DMD: variants seen among roughly 807,000 people sequenced by gnomAD.
DMD encodes dystrophin.
DMD carries 63 observed loss-of-function variants against 330.1 expected under a neutral mutation model. The ratio of observed to expected loss-of-function variants is 0.19; its 90% confidence interval spans 0.16 to 0.24. The LOEUF (loss-of-function observed/expected upper bound fraction) is 0.24, where lower values mean the gene tolerates loss of function less well. DMD is among the 10% of genes least tolerant of loss of function. The pLI is 1.00. For missense variants in DMD, 3,344 were observed against 2,684.1 expected, an observed-to-expected ratio of 1.25 and a Z score of -5.43; for synonymous variants, 1,223 against 959.8, an observed-to-expected ratio of 1.27 and a Z score of -5.07.
intron 29 of DMD, 89 bp from the exon 30 acceptor site, chrX:32,412,002 G>A: frequency 1.7e-6 from 2 of 1,190,877 alleles, no homozygotes; most frequent in East Asian, 6.0e-5. Flanking sequence ...GAAGATTCTA[G>A]ACTCTTCCAC....
At chrX:33,013,796 G>A (rs1204387017) in intron 2 of DMD, among the ~76,000 whole-genome samples, 1 of 106,776 alleles carries the variant, frequency 9.4e-6, no homozygotes, top group Non-Finnish European at 1.9e-5. Context: ...TATAGAATAT[G>A]TTTACTGGGT....
At chrX:32,523,932 C>CTTT (rs57254581) in intron 17 of DMD, among the ~76,000 whole-genome samples, 2 of 87,426 alleles carry the variant, frequency 2.3e-5, no homozygotes, top group African/African-American at 4.5e-5. Context: ...CAAAAGAAAT[C>CTTT]TTTTTTTTTT....
chrX:32,837,617 C>CT (rs761134747), intron 4 of DMD, among the ~76,000 whole-genome samples: 1 of 112,027 alleles, frequency 8.9e-6, no homozygotes, highest in Non-Finnish European at 1.9e-5. Flanking sequence ...AAATATTCCC[C>CT]TGATTACACT....
intron 43 of DMD, among the ~76,000 whole-genome samples, chrX:32,243,538 C>T (rs1374966513): frequency 1.8e-5 from 2 of 111,917 alleles, no homozygotes; most frequent in South Asian, 7.4e-4. Flanking sequence ...ATAATGTCAC[C>T]AAACATGAAG....
chrX:33,175,607 A>G lies in DMD; in HGVS notation c.31+35675T>C, dbSNP rs73621891. Among the ~76,000 whole-genome samples the G allele has an allele frequency of 5.6e-3, 631 of 112,214 alleles. 1 individual carries two copies. The highest frequency in any genetic ancestry group is 0.019 in the African/African-American group (600 of 30,930). On this transcript the variant is annotated intron_variant, in intron 1 of 78. Coordinates refer to ENST00000357033, the MANE Select transcript of DMD (RefSeq NM_004006.3). The stretch of plus-strand genomic sequence containing the variant: ...GAAATATTATACTCACTTTACAGGA[A>G]AAAAGCACCATGAAGTGAAAAGAAC...
At chrX:32,783,654 G>A (rs770602323) in intron 7 of DMD, among the ~76,000 whole-genome samples, 8 of 109,846 alleles carry the variant, frequency 7.3e-5, no homozygotes, top group South Asian at 3.9e-4. Flanking sequence ...AACTATTTAC[G>A]TACTATTTAT....
At chrX:31,166,055 CAA>C (rs1451609966) in intron 74 of DMD, among the ~76,000 whole-genome samples, 3 of 111,481 alleles carry the variant, frequency 2.7e-5, no homozygotes, top group Non-Finnish European at 5.6e-5. Flanking sequence ...AAGCAGAAAA[CAA>C]AGTCTTTGAA....
At chrX:31,193,838 G>T (rs73617054) in intron 67 of DMD, among the ~76,000 whole-genome samples, 6,625 of 110,775 alleles carry the variant, frequency 0.06, 178 homozygotes, top group East Asian at 0.15. Context: ...CATCAGAAAA[G>T]CCCAGAGTAT....
chrX:32,670,251 C>G (rs1212730931), intron 9 of DMD, among the ~76,000 whole-genome samples: 1 of 111,692 alleles, frequency 9.0e-6, no homozygotes, highest in Non-Finnish European at 1.9e-5. Context: ...CAAGTAACAC[C>G]CAGTAATTAA....
At chrX:32,098,405 A>C (rs748559646) in intron 44 of DMD, among the ~76,000 whole-genome samples, 1 of 111,839 alleles carries the variant, frequency 8.9e-6, no homozygotes, top group Admixed American at 9.5e-5. Context: ...CAAATGATTA[A>C]AATTTCTAGT....
intron 1 of DMD, among the ~76,000 whole-genome samples, chrX:33,075,591 A>T (rs759344926): frequency 1.8e-5 from 2 of 112,612 alleles, no homozygotes; most frequent in Non-Finnish European, 3.7e-5. Context: ...GTTTTATAGC[A>T]ACAGCAAATG....
At chrX:33,312,839 C>T (rs1441911947) in intron 1 of DMD, among the ~76,000 whole-genome samples, 1 of 111,498 alleles carries the variant, frequency 9.0e-6, no homozygotes, top group Non-Finnish European at 1.9e-5. Context: ...GGAAACTTAC[C>T]TAAGGAACCT....
chrX:32,371,739 T>C (rs1353257335), intron 34 of DMD, among the ~76,000 whole-genome samples: 1 of 111,280 alleles, frequency 9.0e-6, no homozygotes, highest in African/African-American at 3.3e-5. Flanking sequence ...AGTAATGGGA[T>C]GTTCAGATTG....
chrX:32,445,193 G>A (rs182842823), intron 27 of DMD, among the ~76,000 whole-genome samples: 23 of 111,355 alleles, frequency 2.1e-4, no homozygotes, highest in Admixed American at 1.9e-3. Flanking sequence ...AAGCTCATAT[G>A]AATAAGGCCA....
chrX:32,446,404 T>C (rs1023423499), intron 27 of DMD, among the ~76,000 whole-genome samples: 8 of 109,457 alleles, frequency 7.3e-5, no homozygotes, highest in African/African-American at 2.6e-4. Flanking sequence ...TTTTCAGTGT[T>C]GTAGGAAAAA....
intron 52 of DMD, among the ~76,000 whole-genome samples, chrX:31,696,514 T>A (rs746002020): frequency 8.9e-5 from 10 of 111,907 alleles, no homozygotes; most frequent in Non-Finnish European, 1.5e-4. Flanking sequence ...TGAAGGGGGA[T>A]CCTGAGCTTC....
At chrX:31,916,138 G>C (rs2094605718) in intron 47 of DMD, among the ~76,000 whole-genome samples, 1 of 111,877 alleles carries the variant, frequency 8.9e-6, no homozygotes, top group African/African-American at 3.3e-5. Context: ...ATGGAGCAGA[G>C]GTGAATCATC....
chrX:33,049,885 A>G (rs1314648729), intron 1 of DMD, among the ~76,000 whole-genome samples: 1 of 112,079 alleles, frequency 8.9e-6, no homozygotes, highest in African/African-American at 3.2e-5. Context: ...TAAATTCAAT[A>G]TAATTGACTT....
At chrX:31,287,030 C>T (rs935402612) in intron 62 of DMD, among the ~76,000 whole-genome samples, 1 of 112,478 alleles carries the variant, frequency 8.9e-6, no homozygotes, top group Non-Finnish European at 1.9e-5. Flanking sequence ...CTCCCAAAGC[C>T]TGTTGGGATT....
Sources: allele counts gnomAD v4.1 joint callset (sites outside exome capture counted in the v4.1 genomes callset), GRCh38; gene constraint gnomAD v4.1.1; transcripts MANE v1.5; gene names NCBI Gene and HGNC (gene_info 2026-07-23, HGNC 2026-07-21).